CCDC186: variants seen among roughly 807,000 people sequenced by gnomAD.
The protein encoded by CCDC186 is coiled-coil domain containing 186.
In CCDC186, 49 loss-of-function variants were observed where a neutral mutation model predicts 113.7. The observed-to-expected ratio is 0.43, with a 90% CI of 0.34 to 0.55. The LOEUF (loss-of-function observed/expected upper bound fraction) is 0.55, where lower values mean the gene tolerates loss of function less well. CCDC186 is among the 20% of genes least tolerant of loss of function. CCDC186 has a pLI of 0.02. For missense variants in CCDC186, 890 were observed against 1,011.1 expected (o/e 0.88, Z 1.62); for synonymous variants, 355 against 345.8 (o/e 1.03, Z -0.30).
At chr10:114,147,887 G>A (rs1259815237) in intron 4 of CCDC186, among the ~76,000 whole-genome samples, 1 of 148,864 alleles carries the variant, frequency 6.7e-6, no homozygotes, top group African/African-American at 2.6e-5. Context: ...CCAGCACTTT[G>A]GGAGACTGAG....
chr10:114,144,735 G>T, intron 5 of CCDC186, 119 bp from the exon 6 acceptor site: 1 of 822,940 alleles, frequency 1.2e-6, no homozygotes, highest in Non-Finnish European at 1.8e-6. Context: ...GCACACTATA[G>T]CCCACAGACT....
intron 2 of CCDC186, among the ~76,000 whole-genome samples, chr10:114,160,457 C>T (rs1423490680): frequency 6.6e-6 from 1 of 152,124 alleles, no homozygotes; most frequent in Non-Finnish European, 1.5e-5. Flanking sequence ...ATCTAATATA[C>T]TCCATGGTGA....
chr10:114,156,520 G>T (rs2032014629), intron 3 of CCDC186, among the ~76,000 whole-genome samples: 1 of 152,232 alleles, frequency 6.6e-6, no homozygotes, highest in Non-Finnish European at 1.5e-5. Context: ...GAGGTCAGGA[G>T]TTCAAGACCA....
At chr10:114,127,969 G>A (rs550132913) in intron 13 of CCDC186, among the ~76,000 whole-genome samples, 2 of 152,280 alleles carry the variant, frequency 1.3e-5, no homozygotes, top group African/African-American at 4.8e-5. Context: ...CAGAGAGGAG[G>A]AGGAAGGGAG....
rs1285218196 is a variant in CCDC186, at chr10:114,154,246, A to G, written c.760-3026T>C. Among the ~76,000 whole-genome samples the G allele has an allele frequency of 2.6e-5, 4 of 151,322 alleles. No homozygotes were observed. The East Asian group carries it at 5.8e-4, about 22-fold the overall frequency. ...AAAAAAAGAAAAGAAAAAGAAAAAC[A>G]GAGACAACAAACAAAACCAAAAACT... On this transcript the variant is annotated intron_variant, in intron 3 of 15. Coordinates refer to ENST00000369287, the MANE Select transcript of CCDC186 (RefSeq NM_018017.4).
chr10:114,142,991 C>G (rs971140855), intron 6 of CCDC186, among the ~76,000 whole-genome samples: 6 of 152,330 alleles, frequency 3.9e-5, no homozygotes, highest in East Asian at 1.9e-4. Context: ...AAAGTAACGA[C>G]TGTGTCTCCT....
Position 114,152,338 on chromosome 10 carries a change from G to GA in CCDC186, c.760-1119dup, listed in dbSNP as rs202009408. ...GCCAGAGTGATGAGACCCTGTCTCT[G>GA]AAAAAAAAAAAAAAGGATGAAAAGG... On this transcript the variant is annotated intron_variant, in intron 3 of 15. Transcript: ENST00000369287. 2.6e-3 allele frequency among the ~76,000 whole-genome samples: 341 copies of GA among 129,980 alleles called. 1 individual carries two copies. Among genetic ancestry groups the GA allele is most frequent in the East Asian group, 8.4e-3 (39 of 4,666 alleles). 85.3% of individuals were successfully genotyped at this position (129,980 alleles called of 152,430 possible).
rs370301613 is a variant in CCDC186, at chr10:114,138,637, C to T, written c.1222-1347G>A. Among the ~76,000 whole-genome samples, 7 of 152,200 alleles carry T rather than the reference C, an allele frequency of 4.6e-5. No homozygotes were observed. In the South Asian group the frequency reaches 8.3e-4, roughly 18 times the overall value. On this transcript the variant is annotated intron_variant, in intron 6 of 15. Coordinates refer to ENST00000369287, the MANE Select transcript of CCDC186 (RefSeq NM_018017.4). ...ACTCTGAAAGTTTTCAGGGGCTACC[C>T]GTATTAAATCCAATTACTTCTTCTT...
At chr10:114,143,501 G>A (rs1408648269) in intron 6 of CCDC186, among the ~76,000 whole-genome samples, 2 of 152,182 alleles carry the variant, frequency 1.3e-5, no homozygotes, top group Admixed American at 6.5e-5. Flanking sequence ...TCCAGAGACT[G>A]TCATCCTCCT....
chr10:114,128,019 G>A (rs1461184938), intron 13 of CCDC186, among the ~76,000 whole-genome samples: 4 of 152,120 alleles, frequency 2.6e-5, no homozygotes, highest in Non-Finnish European at 5.9e-5. Context: ...AAAAAGAGAG[G>A]TTAGAATATA....
In CCDC186 at chr10:114,132,118, T is replaced by C. The variant is rs1480738409; in HGVS notation, c.1722A>G (p.Leu574=). 1.9e-6 allele frequency: 3 copies of C among 1,613,142 alleles called. No homozygotes were observed. Among genetic ancestry groups the C allele is most frequent in the Non-Finnish European group, 2.5e-6 (3 of 1,179,592 alleles). The part of the protein sequence containing the change: ...VESLNSLIND[L]QKDIEGSRKR... ...TCCTACTGCCTTCGATGTCTTTTTGTAGGTCATTAATCAAAGAATTAAGAC... is the reference window on the plus strand; with the variant it reads ...TCCTACTGCCTTCGATGTCTTTTTGCAGGTCATTAATCAAAGAATTAAGAC... The change falls in exon 11 of 16, where the codon CTA becomes CTG. Residue 574 remains leucine, a synonymous_variant. Coordinates refer to ENST00000369287, the MANE Select transcript of CCDC186 (RefSeq NM_018017.4).
intron 4 of CCDC186, among the ~76,000 whole-genome samples, chr10:114,149,462 T>C (rs2031744189): frequency 6.6e-6 from 1 of 151,692 alleles, no homozygotes; most frequent in Non-Finnish European, 1.5e-5. Flanking sequence ...ATGTTTGAAC[T>C]GCTACCATGT....
intron 10 of CCDC186, 73 bp from the exon 11 acceptor site, chr10:114,132,257 C>T (rs1339743748): frequency 9.0e-7 from 1 of 1,106,840 alleles, no homozygotes; most frequent in South Asian, 1.8e-5. Flanking sequence ...TGGGAATTTT[C>T]ATCTAGTCAA....
intron 1 of CCDC186, among the ~76,000 whole-genome samples, chr10:114,167,115 G>C (rs2032358877): frequency 6.7e-6 from 1 of 150,294 alleles, no homozygotes; most frequent in African/African-American, 2.5e-5. Context: ...CTGACTCCCT[G>C]GTTCAAGCTA....
chr10:114,145,860 GT>G, intron 4 of CCDC186, 99 bp from the exon 5 acceptor site: 1 of 1,146,098 alleles, frequency 8.7e-7, no homozygotes, highest in Non-Finnish European at 1.2e-6. Flanking sequence ...CCAATGCATT[GT>G]TTGGTTTTTG....
At chr10:114,136,353 A>G (rs2031261804) in intron 7 of CCDC186, 107 bp from the exon 8 acceptor site, 1 of 703,984 alleles carries the variant, frequency 1.4e-6, no homozygotes, top group South Asian at 1.9e-5. Context: ...CATTTCTGTT[A>G]CGTTAGGATA....
chr10:114,173,271 C>T (rs1348698571), intron 1 of CCDC186: 28 of 453,466 alleles, frequency 6.2e-5, no homozygotes, highest in Middle Eastern at 3.3e-4. Flanking sequence ...TTCCTCTAAA[C>T]AAAATCAAGA....
chr10:114,126,148 T>TAA (rs372410334), intron 14 of CCDC186, 43 bp from the exon 15 acceptor site: 1 of 1,511,452 alleles, frequency 6.6e-7, no homozygotes. Flanking sequence ...CTTGTAGAAT[T>TAA]AAAAAAAATG....
At position 114,136,372 on chromosome 10, in the gene CCDC186, G is replaced by A. The variant is rs556265056; in HGVS notation, c.1327-126C>T. On this transcript the variant is annotated intron_variant, in intron 7 of 15. Coordinates refer to ENST00000369287, the MANE Select transcript of CCDC186 (RefSeq NM_018017.4). ...TCTGTTACGTTAGGATAAGAGACAA[G>A]TTCTGTTTAGAAATAACTCCAAGAA... is the stretch of plus-strand genomic sequence containing the variant. The A allele has an allele frequency of 3.2e-6, 2 of 617,020 alleles. 1 individual carries two copies. The highest frequency in any genetic ancestry group is 6.0e-5 in the Admixed American group (2 of 33,128). The allele number at this position is 617,020 out of a possible 1,614,324, so 38.2% of individuals were successfully genotyped here. A position where few individuals can be genotyped will look rare whatever the true frequency, so the allele number is the denominator to read the frequency against.
Sources: allele counts gnomAD v4.1 joint callset (sites outside exome capture counted in the v4.1 genomes callset), GRCh38; gene constraint gnomAD v4.1.1; transcripts MANE v1.5; gene names NCBI Gene and HGNC (gene_info 2026-07-23, HGNC 2026-07-21).